TSPAN5: variants seen among roughly 807,000 people sequenced by gnomAD.
The protein encoded by TSPAN5 is tetraspanin-5.
A neutral mutation model predicts 37.1 loss-of-function variants in TSPAN5; 10 were observed. The ratio of observed to expected loss-of-function variants is 0.27; its 90% CI spans 0.17 to 0.46. TSPAN5 has a LOEUF of 0.46. Among genes scored for constraint, TSPAN5 ranks in the 20% least tolerant of loss-of-function variants. The probability of loss-of-function intolerance (pLI) is 1.00; values close to 1 mark genes in which losing one functional copy is unlikely to be tolerated. For missense variants in TSPAN5, 195 were observed against 326.6 expected (o/e 0.60, Z 3.11); for synonymous variants, 110 against 118.9 (o/e 0.93, Z 0.48).
In TSPAN5 at chr4:98,504,624, T is replaced by C. The variant is rs182673757; in HGVS notation, c.132+3054A>G. ...GGGAGCCATGTCTCCAGTGGGCATC[T>C]GCCTTAGAGCAGACACTGTGCTGAG... is the stretch of plus-strand genomic sequence containing the variant. On this transcript the variant is annotated intron_variant, in intron 2 of 7. Transcript: ENST00000305798. 5.4e-4 allele frequency among the ~76,000 whole-genome samples: 83 copies of C among 152,340 alleles called. 1 individual carries two copies. In the East Asian group the frequency reaches 0.015, roughly 28 times the overall value.
At chr4:98,556,893 C>T (rs915695847) in intron 1 of TSPAN5, among the ~76,000 whole-genome samples, 5 of 152,066 alleles carry the variant, frequency 3.3e-5, no homozygotes, top group African/African-American at 9.7e-5. Flanking sequence ...TAATTCTCAC[C>T]AAGTTTATAC....
At chr4:98,486,587 A>C in intron 3 of TSPAN5, 151 bp downstream of exon 3, 6 of 759,946 alleles carry the variant, frequency 7.9e-6, no homozygotes, top group Non-Finnish European at 1.3e-5. Flanking sequence ...AATCAGGGCT[A>C]GAGAGCTCTC....
chr4:98,629,402 A>T (rs1352270948), intron 1 of TSPAN5, among the ~76,000 whole-genome samples: 3 of 152,192 alleles, frequency 2.0e-5, no homozygotes, highest in Non-Finnish European at 4.4e-5. Context: ...ATACATACAA[A>T]CAGCACTTAT....
At chr4:98,503,326 T>A (rs1441220880) in intron 2 of TSPAN5, among the ~76,000 whole-genome samples, 7 of 151,998 alleles carry the variant, frequency 4.6e-5, no homozygotes, top group African/African-American at 7.2e-5. Context: ...CTCTCCATGG[T>A]GCAGAAAAGA....
chr4:98,620,550 CA>C (rs1404973863), intron 1 of TSPAN5, among the ~76,000 whole-genome samples: 2 of 152,224 alleles, frequency 1.3e-5, no homozygotes, highest in Non-Finnish European at 1.5e-5. Context: ...TGTCACACAG[CA>C]GTCGACAATA....
At chr4:98,561,170 C>T (rs1372499479) in intron 1 of TSPAN5, among the ~76,000 whole-genome samples, 2 of 152,230 alleles carry the variant, frequency 1.3e-5, no homozygotes, top group Non-Finnish European at 2.9e-5. Flanking sequence ...ATATCCACTC[C>T]ATGCTCTCTT....
At chr4:98,540,973 G>A (rs570844491) in intron 1 of TSPAN5, among the ~76,000 whole-genome samples, 3 of 152,282 alleles carry the variant, frequency 2.0e-5, no homozygotes, top group South Asian at 4.1e-4. Context: ...CAATTAGCAC[G>A]GCATAAAGAA....
intron 3 of TSPAN5, chr4:98,483,929 C>T (rs1752903936): frequency 6.2e-6 from 1 of 160,580 alleles, no homozygotes; most frequent in Admixed American, 5.9e-5. Flanking sequence ...CTGTATTAGG[C>T]CCCACCTTAA....
At chr4:98,482,915 A>G (rs1300582793) in intron 3 of TSPAN5, 2 of 152,116 alleles carry the variant, frequency 1.3e-5, no homozygotes, top group African/African-American at 4.8e-5. Flanking sequence ...CGCTTAATGT[A>G]GACAACAGGG....
chr4:98,564,419 T>C (rs971321025), intron 1 of TSPAN5, among the ~76,000 whole-genome samples: 5 of 152,226 alleles, frequency 3.3e-5, no homozygotes, highest in Non-Finnish European at 7.3e-5. Context: ...TCCTACATAC[T>C]AATAAATGCA....
rs1190477452 is a variant in TSPAN5, at chr4:98,573,821, C to T, written c.82-66093G>A. 2.0e-5 allele frequency among the ~76,000 whole-genome samples: 3 copies of T among 152,248 alleles called. No individual in the cohort carries two copies. The East Asian group carries it at 5.8e-4, about 29-fold the overall frequency. On this transcript the variant is annotated intron_variant, in intron 1 of 7. Coordinates refer to ENST00000305798, the MANE Select transcript of TSPAN5 (RefSeq NM_005723.4). ...AAAAATTATCCCAAAAATGTACATACAGCTTAAAATTACATGGCAGGGAAC... is the reference window on the plus strand; with the variant it reads ...AAAAATTATCCCAAAAATGTACATATAGCTTAAAATTACATGGCAGGGAAC...
At chr4:98,645,896 A>G (rs1757057747) in intron 1 of TSPAN5, among the ~76,000 whole-genome samples, 2 of 152,190 alleles carry the variant, frequency 1.3e-5, no homozygotes, top group Admixed American at 1.3e-4. Context: ...AAACTACAGT[A>G]AAAATTCTAC....
chr4:98,618,159 A>G (rs1210157108), intron 1 of TSPAN5, among the ~76,000 whole-genome samples: 1 of 152,212 alleles, frequency 6.6e-6, no homozygotes, highest in Non-Finnish European at 1.5e-5. Context: ...ACTCCCACAG[A>G]TGTTAGAAAA....
At chr4:98,639,213 C>T (rs1418772317) in intron 1 of TSPAN5, among the ~76,000 whole-genome samples, 2 of 152,176 alleles carry the variant, frequency 1.3e-5, no homozygotes, top group Admixed American at 1.3e-4. Flanking sequence ...CATGAACCCC[C>T]TGCTACACTC....
rs187162737 is a variant in TSPAN5, at chr4:98,651,531, T to A, written c.81+6615A>T. Reference sequence around the variant, plus strand: ...AATAGTCCAGTTTACAGAAAATACATACTCAACTGTTTGTGTGATAGCCAA... The same window carrying A: ...AATAGTCCAGTTTACAGAAAATACAAACTCAACTGTTTGTGTGATAGCCAA... On this transcript the variant is annotated intron_variant, in intron 1 of 7. Transcript: ENST00000305798. Among the ~76,000 whole-genome samples the A allele has an allele frequency of 2.7e-3, 411 of 152,344 alleles. 5 individuals are homozygous for A. Among genetic ancestry groups the A allele is most frequent in the Admixed American group, 0.023 (347 of 15,300 alleles).
chr4:98,546,286 TA>T (rs1299074073), intron 1 of TSPAN5, among the ~76,000 whole-genome samples: 2 of 152,100 alleles, frequency 1.3e-5, no homozygotes, highest in African/African-American at 2.4e-5. Context: ...TGAAAATACA[TA>T]AAGTTGGTTC....
At chr4:98,524,651 C>T (rs1446645241) in intron 1 of TSPAN5, among the ~76,000 whole-genome samples, 1 of 151,786 alleles carries the variant, frequency 6.6e-6, no homozygotes, top group Admixed American at 6.6e-5. Context: ...CTTTGACACA[C>T]ACTTTAGCTC....
chr4:98,535,080 C>T (rs553803459), intron 1 of TSPAN5, among the ~76,000 whole-genome samples: 94 of 152,248 alleles, frequency 6.2e-4, no homozygotes, highest in African/African-American at 2.2e-3. Context: ...CATTATGATG[C>T]TAGCTGGTTA....
chr4:98,612,253 C>G (rs537483970), intron 1 of TSPAN5, among the ~76,000 whole-genome samples: 1 of 151,838 alleles, frequency 6.6e-6, no homozygotes, highest in African/African-American at 2.4e-5. Flanking sequence ...GAGTGGGGAA[C>G]AAGAGGAGCA....
Sources: gnomAD v4.1 joint callset for allele counts (sites outside exome capture counted in the v4.1 genomes callset) on GRCh38, gnomAD v4.1.1 for gene constraint, MANE v1.5 for transcripts, NCBI Gene and HGNC (gene_info 2026-07-23, HGNC 2026-07-21) for gene names.